CNOT1: variants seen among roughly 807,000 people sequenced by gnomAD.
CNOT1 encodes the protein CCR4-associated factor 1.
Under a neutral mutation model 273.8 loss-of-function variants are expected in CNOT1, and 15 were observed. The ratio of observed to expected loss-of-function variants is 0.05; its 90% CI spans 0.04 to 0.08. CNOT1 has a LOEUF of 0.08. CNOT1 is among the 10% of genes least tolerant of loss of function. The pLI is 1.00. For synonymous variants in CNOT1, 1,022 were observed against 1,005.5 expected (o/e 1.02, Z -0.31); for missense variants, 1,644 against 2,912.2 (o/e 0.56, Z 10.02).
intron 1 of CNOT1, among the ~76,000 whole-genome samples, chr16:58,603,666 T>A (rs1261244691): frequency 6.6e-6 from 1 of 152,088 alleles, no homozygotes; most frequent in Non-Finnish European, 1.5e-5. Context: ...GCTTCTCAGG[T>A]ACACTCTCAC....
At chr16:58,565,354 A>T (rs1048252855) in intron 16 of CNOT1, among the ~76,000 whole-genome samples, 1 of 152,098 alleles carries the variant, frequency 6.6e-6, no homozygotes, top group African/African-American at 2.4e-5. Context: ...AGCTCAAGCA[A>T]TTTGCCCACC....
At chr16:58,615,778 C>T (rs1483632875) in intron 1 of CNOT1, among the ~76,000 whole-genome samples, 4 of 124,440 alleles carry the variant, frequency 3.2e-5, no homozygotes, top group African/African-American at 8.1e-5. Flanking sequence ...AAAAGAGAAG[C>T]GAATGTACTC....
intron 2 of CNOT1, among the ~76,000 whole-genome samples, chr16:58,596,606 C>T (rs1597552692): frequency 1.3e-5 from 2 of 151,864 alleles, no homozygotes; most frequent in Non-Finnish European, 2.9e-5. Flanking sequence ...GTCAATTTAC[C>T]GCTGGGCACA....
At chr16:58,555,697 T>C (rs2040607840) in intron 20 of CNOT1, 87 bp downstream of exon 20, 1 of 1,582,610 alleles carries the variant, frequency 6.3e-7, no homozygotes, top group Admixed American at 1.8e-5. Flanking sequence ...TCAGGGCACT[T>C]TGAGCTGGAT....
Position 58,546,831 on chromosome 16 carries a change from G to A in CNOT1, c.3751-82C>T, listed in dbSNP as rs1305305204. On this transcript the variant is annotated intron_variant, in intron 27 of 48. Coordinates refer to ENST00000317147, the MANE Select transcript of CNOT1 (RefSeq NM_016284.5). ...TTTAAAACAATTCAATACAACATAA[G>A]GGGGTAGGGGGGAGTCAAACAAATA... is the stretch of plus-strand genomic sequence containing the variant. 7 of 1,523,914 alleles carry A rather than the reference G, an allele frequency of 4.6e-6. No individual in the cohort carries two copies. In the South Asian group the frequency reaches 7.1e-5, roughly 15 times the overall value. 94.4% of individuals were successfully genotyped at this position (1,523,914 alleles called of 1,614,324 possible).
chr16:58,558,693 A>G lies in CNOT1; in HGVS notation c.2131-19T>C. ...GGTCAATCTAAAGAAAAACATTATA[A>G]AAATGTATTAAACATACTTCGAGGA... On this transcript the variant is annotated intron_variant, in intron 17 of 48. Coordinates refer to ENST00000317147, the MANE Select transcript of CNOT1 (RefSeq NM_016284.5). 1 of 1,606,422 alleles carries G rather than the reference A, an allele frequency of 6.2e-7. No homozygotes were observed. Among genetic ancestry groups the G allele is most frequent in the Non-Finnish European group, 8.5e-7 (1 of 1,176,216 alleles).
rs570890588 is a variant in CNOT1 at position 58,604,416 on chromosome 16, T to C, written c.-174-4905A>G. Among the ~76,000 whole-genome samples the C allele has an allele frequency of 9.2e-5, 14 of 152,268 alleles. No individual in the cohort carries two copies. The East Asian group carries it at 1.2e-3, about 13-fold the overall frequency. On this transcript the variant is annotated intron_variant, in intron 1 of 48. Transcript: ENST00000317147. ...CTATTTGTATACGCGTTGTCTACTATTGGCTCTTTACATGCCAGGGACTCA... is the reference window on the plus strand; with the variant it reads ...CTATTTGTATACGCGTTGTCTACTACTGGCTCTTTACATGCCAGGGACTCA...
chr16:58,608,647 A>C (rs942636945), intron 1 of CNOT1, among the ~76,000 whole-genome samples: 1 of 91,006 alleles, frequency 1.1e-5, no homozygotes, highest in African/African-American at 5.2e-5. Flanking sequence ...AAATTATTAT[A>C]CAAAAAAGAT....
intron 2 of CNOT1, among the ~76,000 whole-genome samples, chr16:58,590,131 G>C (rs1759086924): frequency 6.6e-6 from 1 of 152,148 alleles, no homozygotes; most frequent in Non-Finnish European, 1.5e-5. Context: ...TTTGCTAAGA[G>C]CCACATACTA....
At chr16:58,603,428 TGTGTGTGTGTGTGTGTGTGTG>T (rs2042549712) in intron 1 of CNOT1, among the ~76,000 whole-genome samples, 3 of 148,324 alleles carry the variant, frequency 2.0e-5, no homozygotes, top group Non-Finnish European at 4.5e-5. Context: ...TGTGTGTGTG[TGTGTGTGTGTGTGTGTGTGTG>T]TGTGTGTGTG....
Position 58,568,142 on chromosome 16 carries a change from G to A in CNOT1, c.1979+6467C>T, listed in dbSNP as rs190295874. Among the ~76,000 whole-genome samples the A allele has an allele frequency of 1.9e-4, 29 of 152,246 alleles. 1 individual carries two copies. The South Asian group carries it at 2.1e-3, about 11-fold the overall frequency. On this transcript the variant is annotated intron_variant, in intron 16 of 48. Coordinates refer to ENST00000317147, the MANE Select transcript of CNOT1 (RefSeq NM_016284.5). ...AATCTCAGTACTTTGGGAGGCGGGCGAATCACCTGAGGTCGGGAGTTTGAG... is the reference window on the plus strand; with the variant it reads ...AATCTCAGTACTTTGGGAGGCGGGCAAATCACCTGAGGTCGGGAGTTTGAG...
intron 35 of CNOT1, among the ~76,000 whole-genome samples, chr16:58,539,476 C>CAG (rs1426597179): frequency 1.4e-5 from 2 of 147,442 alleles, no homozygotes; most frequent in African/African-American, 2.5e-5. Flanking sequence ...TACACACACA[C>CAG]ACACACACAC....
chr16:58,619,903 A>C (rs2043246192), intron 1 of CNOT1, among the ~76,000 whole-genome samples: 1 of 151,942 alleles, frequency 6.6e-6, no homozygotes, highest in Non-Finnish European at 1.5e-5. Context: ...CCAAGATGTA[A>C]ATAGTTTAAC....
intron 1 of CNOT1, among the ~76,000 whole-genome samples, chr16:58,603,406 AAAGTGTGTGTGT>A (rs2042543465): frequency 2.3e-5 from 2 of 86,072 alleles, no homozygotes; most frequent in Non-Finnish European, 2.8e-5. Context: ...CTACAATTTA[AAAGTGTGTGTGT>A]GTGTGTGTGT....
At chr16:58,617,482 A>G (rs942391048) in intron 1 of CNOT1, among the ~76,000 whole-genome samples, 4 of 152,222 alleles carry the variant, frequency 2.6e-5, no homozygotes, top group African/African-American at 9.6e-5. Flanking sequence ...AAATGTTTTG[A>G]GCACAAACAT....
chr16:58,523,363 C>T lies in CNOT1; in HGVS notation c.6917+7G>A, dbSNP rs200707564. On this transcript the variant is annotated splice_region_variant and intron_variant, in intron 47 of 48. Coordinates refer to ENST00000317147, the MANE Select transcript of CNOT1 (RefSeq NM_016284.5). ...TGAAGCATTTAAAAAATAAGCTGCT[C>T]GCTTACCTTGTGATCTGTTCTTGGA... The T allele has an allele frequency of 3.0e-4, 464 of 1,566,758 alleles. No individual in the cohort carries two copies. Among genetic ancestry groups the T allele is most frequent in the Non-Finnish European group, 3.9e-4 (445 of 1,155,780 alleles).
rs571097404 is a variant in CNOT1, at chr16:58,538,285, C to A, written c.5136-19G>T. On this transcript the variant is annotated intron_variant, in intron 36 of 48. Transcript: ENST00000317147. ...TAGGCACCTAGAAAAAGTTCAATAT[C>A]TTTACTCATATAGGCTTAACCATAC... 5.6e-5 allele frequency: 55 copies of A among 982,676 alleles called. No homozygotes were observed. Among genetic ancestry groups the A allele is most frequent in the South Asian group, 5.5e-4 (43 of 78,414 alleles). The allele number at this position is 982,676 out of a possible 1,614,324, so 60.9% of individuals were successfully genotyped here. A position where few individuals can be genotyped will look rare whatever the true frequency, so the allele number is the denominator to read the frequency against.
chr16:58,620,653 T>TAAAAAAAAAAA (rs200053031), intron 1 of CNOT1, among the ~76,000 whole-genome samples: 9 of 106,836 alleles, frequency 8.4e-5, no homozygotes, highest in African/African-American at 2.2e-4. Flanking sequence ...CTGTCTCATT[T>TAAAAAAAAAAA]AAAAAAAAAA....
intron 3 of CNOT1, among the ~76,000 whole-genome samples, chr16:58,588,186 C>T (rs1241707713): frequency 2.0e-5 from 3 of 152,038 alleles, no homozygotes; most frequent in African/African-American, 7.3e-5. Flanking sequence ...ATAATCTCAG[C>T]TACTTGGGAG....
Sources: gnomAD v4.1 joint callset for allele counts (sites outside exome capture counted in the v4.1 genomes callset) on GRCh38, gnomAD v4.1.1 for gene constraint, MANE v1.5 for transcripts, NCBI Gene and HGNC (gene_info 2026-07-23, HGNC 2026-07-21) for gene names.